UNC13B: variants seen among roughly 807,000 people sequenced by gnomAD.
UNC13B encodes the protein protein unc-13 homolog B.
Under a neutral mutation model 211.0 loss-of-function variants are expected in UNC13B, and 144 were observed. The observed-to-expected ratio is 0.68, with a 90% confidence interval of 0.60 to 0.78. UNC13B has a LOEUF of 0.78. Ranked by LOEUF, UNC13B falls within the 30% of genes least tolerant of loss-of-function variation. The pLI, the probability that UNC13B is intolerant of heterozygous loss-of-function variation, is 0.00. For synonymous variants in UNC13B, 709 were observed against 725.8 expected, an observed-to-expected ratio of 0.98 and a Z score of 0.37; for missense variants, 1,777 against 2,002.0, an observed-to-expected ratio of 0.89 and a Z score of 2.14.
intron 11 of UNC13B, among the ~76,000 whole-genome samples, chr9:35,319,574 C>T (rs1416419175): frequency 2.6e-5 from 4 of 152,068 alleles, no homozygotes; most frequent in African/African-American, 9.7e-5. Flanking sequence ...CTTCCTCCTT[C>T]CTCCCTCTAG....
chr9:35,271,138 CAAAAAAAAAA>C (rs34349679), intron 7 of UNC13B, among the ~76,000 whole-genome samples: 2 of 75,738 alleles, frequency 2.6e-5, no homozygotes, highest in Non-Finnish European at 5.0e-5. Flanking sequence ...GACTCCATTT[CAAAAAAAAAA>C]AAAAAAAAAA....
intron 15 of UNC13B, among the ~76,000 whole-genome samples, chr9:35,377,176 G>T (rs904487214): frequency 3.9e-5 from 6 of 152,208 alleles, no homozygotes; most frequent in Non-Finnish European, 7.4e-5. Context: ...GCCTCAAATT[G>T]GTGCCAATGG....
chr9:35,229,263 A>G (rs1366515952), intron 2 of UNC13B, among the ~76,000 whole-genome samples: 1 of 152,178 alleles, frequency 6.6e-6, no homozygotes. Flanking sequence ...ACGCTTGAGA[A>G]CCCAGGAAAA....
intron 11 of UNC13B, chr9:35,342,125 G>A: frequency 7.1e-6 from 7 of 985,382 alleles, no homozygotes; most frequent in African/African-American, 1.7e-5. Context: ...AGCCAGCTGG[G>A]TGCAACTGAG....
At chr9:35,275,591 T>C (rs1252966435) in intron 7 of UNC13B, among the ~76,000 whole-genome samples, 3 of 152,130 alleles carry the variant, frequency 2.0e-5, no homozygotes, top group East Asian at 3.9e-4. Flanking sequence ...ATTGGTTTTA[T>C]TTACTCATTC....
chr9:35,372,344 A>G (rs1044328105), intron 13 of UNC13B, among the ~76,000 whole-genome samples: 3 of 152,364 alleles, frequency 2.0e-5, no homozygotes, highest in South Asian at 2.1e-4. Flanking sequence ...CCTCCTGCTT[A>G]GGCTGATATT....
At chr9:35,216,907 A>T (rs2131440578) in intron 1 of UNC13B, among the ~76,000 whole-genome samples, 1 of 152,318 alleles carries the variant, frequency 6.6e-6, no homozygotes, top group Admixed American at 6.5e-5. Flanking sequence ...AAAAAAAACA[A>T]TCTCATAAGG....
intron 5 of UNC13B, among the ~76,000 whole-genome samples, chr9:35,241,776 G>T (rs775928410): frequency 6.6e-6 from 1 of 152,128 alleles, no homozygotes; most frequent in African/African-American, 2.4e-5. Context: ...CAGGTGCATA[G>T]TATACCATTT....
rs2025722 is a variant in UNC13B at position 35,300,808 on chromosome 9, G to A, written c.1404G>A (p.Thr468=). ...ATGAGCTTCAGTGTTTGGTAGAAAC[G>A]GTGTCAGAATATTTAGCAGAGAAGG... The part of the protein sequence containing the change: ...TMDELQCLVE[T]VSEYLAEKEE... Residue 468 remains threonine, a synonymous_variant, in exon 9 of 40, where the codon ACG becomes ACA. Coordinates refer to ENST00000635942, the MANE Select transcript of UNC13B (RefSeq NM_001371189.2). The A allele has an allele frequency of 0.086, 34,454 of 398,726 alleles. 2,280 individuals are homozygous for A. Among genetic ancestry groups the A allele is most frequent in the East Asian group, 0.28 (7,905 of 28,054 alleles). 24.7% of individuals were successfully genotyped at this position (398,726 alleles called of 1,614,324 possible). A position where few individuals can be genotyped will look rare whatever the true frequency, so the allele number is the denominator to read the frequency against.
rs550613806 is a variant in UNC13B at position 35,251,573 on chromosome 9, C to A, written c.469-7420C>A. Among the ~76,000 whole-genome samples the A allele has an allele frequency of 3.3e-5, 5 of 152,008 alleles. No homozygotes were observed. The East Asian group carries it at 9.8e-4, about 30-fold the overall frequency. On this transcript the variant is annotated intron_variant, in intron 6 of 39. Coordinates refer to ENST00000635942, the MANE Select transcript of UNC13B (RefSeq NM_001371189.2). ...CTGCACTCCAGGCTGAGTGACAGAGCGAGATTCCCTATCAAAAACAAAAAA... is the reference window on the plus strand; with the variant it reads ...CTGCACTCCAGGCTGAGTGACAGAGAGAGATTCCCTATCAAAAACAAAAAA...
intron 11 of UNC13B, among the ~76,000 whole-genome samples, chr9:35,350,425 G>A (rs1175338714): frequency 1.3e-5 from 2 of 152,240 alleles, no homozygotes; most frequent in Non-Finnish European, 2.9e-5. Flanking sequence ...GCAGTGGACA[G>A]TGTGCTGGAC....
At chr9:35,368,147 A>G (rs1431215182) in intron 12 of UNC13B, among the ~76,000 whole-genome samples, 2 of 152,182 alleles carry the variant, frequency 1.3e-5, no homozygotes, top group East Asian at 3.8e-4. Flanking sequence ...GATTTGTTGT[A>G]CAGATTATTT....
At chr9:35,274,471 A>G (rs1000287840) in intron 7 of UNC13B, among the ~76,000 whole-genome samples, 2 of 152,202 alleles carry the variant, frequency 1.3e-5, no homozygotes, top group Non-Finnish European at 2.9e-5. Flanking sequence ...CCATAATTGA[A>G]TTTTGAAGGG....
At chr9:35,216,838 A>C (rs1824275564) in intron 1 of UNC13B, among the ~76,000 whole-genome samples, 1 of 152,258 alleles carries the variant, frequency 6.6e-6, no homozygotes, top group South Asian at 2.1e-4. Context: ...TATTGGATAT[A>C]AAAACATAAT....
intron 1 of UNC13B, among the ~76,000 whole-genome samples, chr9:35,168,860 A>G (rs1368919247): frequency 1.3e-5 from 2 of 151,782 alleles, no homozygotes; most frequent in Non-Finnish European, 2.9e-5. Flanking sequence ...TCTTGTAGAG[A>G]CAGGGTTTTG....
In UNC13B at chr9:35,396,903, T is replaced by C; in HGVS notation, c.11498T>C (p.Leu3833Pro). 5.6e-6 allele frequency: 9 copies of C among 1,614,128 alleles called. No individual in the cohort carries two copies. Among genetic ancestry groups the C allele is most frequent in the Non-Finnish European group, 5.1e-6 (6 of 1,180,012 alleles). Residue 3833 changes from leucine (L) to proline (P), a missense_variant, in exon 28 of 40, where the codon CTG becomes CCG. Leu to Pro is a moderately conservative substitution (Grantham distance 98). Transcript: ENST00000635942. Reference sequence around the variant, plus strand: ...AATGAGGATGTATCCCTGGAATTCCTGCGTGGGGCCCTGGAACGAGATAAG... The same window carrying C: ...AATGAGGATGTATCCCTGGAATTCCCGCGTGGGGCCCTGGAACGAGATAAG... ...DENEDVSLEFLRGALERDKKD... is the reference protein window; with the variant it reads ...DENEDVSLEFPRGALERDKKD...
intron 11 of UNC13B, among the ~76,000 whole-genome samples, chr9:35,364,729 A>G (rs1261825273): frequency 6.6e-6 from 1 of 152,092 alleles, no homozygotes; most frequent in African/African-American, 2.4e-5. Context: ...ATTTTTCTGA[A>G]AAGCAGTTTG....
In UNC13B at chr9:35,300,909, A is replaced by T; in HGVS notation, c.1505A>T (p.Glu502Val). ...AAACAAAATAGTACTCTTGATGCAG[A>T]ACAGAGAACGCCTGGGGATCAAATA... ...SHKQNSTLDA[E>V]QRTPGDQIPP... Residue 502 changes from glutamate (E) to valine (V), a missense_variant, in exon 9 of 40, where the codon GAA becomes GTA. Glu to Val is a moderately radical substitution (Grantham distance 121). Coordinates refer to ENST00000635942, the MANE Select transcript of UNC13B (RefSeq NM_001371189.2). The T allele has an allele frequency of 2.5e-6, 1 of 399,014 alleles. No individual in the cohort carries two copies. 24.7% of individuals were successfully genotyped at this position (399,014 alleles called of 1,614,324 possible).
chr9:35,385,749 A>T lies in UNC13B; in HGVS notation c.10901A>T (p.Glu3634Val), dbSNP rs1469993317. The change falls in exon 23 of 40, where the codon GAA (glutamate) becomes GTA (valine). Residue 3634 changes from glutamate to valine, a missense_variant. By Grantham distance (121) the Glu-to-Val change is moderately radical (BLOSUM62 -2). Transcript: ENST00000635942. ...YRNNFPAGSP[E>V]RLQDLKSTVD... is the part of the protein sequence containing the mutation. ...AATAATTTCCCTGCTGGGAGTCCTG[A>T]ACGGCTTCAGGACTTAAAATCCACA... 2 of 1,608,242 alleles carry T rather than the reference A, an allele frequency of 1.2e-6. No homozygotes were observed. The highest frequency in any genetic ancestry group is 1.7e-5 in the Admixed American group (1 of 59,854).
Sources: allele counts gnomAD v4.1 joint callset (sites outside exome capture counted in the v4.1 genomes callset), GRCh38; gene constraint gnomAD v4.1.1; transcripts MANE v1.5; gene names NCBI Gene and HGNC (gene_info 2026-07-23, HGNC 2026-07-21).